INTS1: variants seen among roughly 807,000 people sequenced by gnomAD.
INTS1 encodes the protein integrator complex subunit 1.
A neutral mutation model predicts 241.6 loss-of-function variants in INTS1; 137 were observed. That is an observed-to-expected ratio of 0.57 (90% confidence interval 0.49 to 0.65). The LOEUF (loss-of-function observed/expected upper bound fraction) is 0.65. INTS1 is among the 30% of genes least tolerant of loss of function. INTS1 has a pLI of 0.00. For synonymous variants in INTS1, 1,692 were observed against 1,337.8 expected (o/e 1.26, Z -5.78); for missense variants, 3,073 against 3,032.2 (o/e 1.01, Z -0.32).
chr7:1,503,068 GCATCCCGCTTGCGCT>G lies in INTS1; in HGVS notation c.167_181del (p.Glu56_Asp60del). The G allele has an allele frequency of 6.2e-7, 1 of 1,613,102 alleles. No individual in the cohort carries two copies. Among genetic ancestry groups the G allele is most frequent in the Non-Finnish European group, 8.5e-7 (1 of 1,179,434 alleles). ...CGAGGCACTGGACAACGCGGCCGCC[GCATCCCGCTTGCGCT>G]CAGAAGGCAGGCCGGAAGGGGCTGG... is the stretch of plus-strand genomic sequence containing the variant. On this transcript the variant is annotated inframe_deletion, in exon 3 of 48. Transcript: ENST00000404767.
intron 45 of INTS1, 64 bp downstream of exon 45, chr7:1,471,507 G>T: frequency 1.3e-6 from 2 of 1,532,318 alleles, no homozygotes; most frequent in East Asian, 4.5e-5. Context: ...TGGGGTGGTG[G>T]CCCTGCTGGG....
chr7:1,489,150 T>A (rs2128540020), intron 18 of INTS1, among the ~76,000 whole-genome samples, 194 bp downstream of exon 18: 1 of 151,968 alleles, frequency 6.6e-6, no homozygotes, highest in African/African-American at 2.4e-5. Flanking sequence ...CCACACCCCC[T>A]CTCCCGGCAA....
At chr7:1,489,711 C>T (rs1782457021) in intron 16 of INTS1, 29 bp from the exon 17 acceptor site, 1 of 1,426,962 alleles carries the variant, frequency 7.0e-7, no homozygotes, top group Non-Finnish European at 9.4e-7. Flanking sequence ...CCGACTCAGG[C>T]CCAGCGCACC....
intron 30 of INTS1, 40 bp from the exon 31 acceptor site, chr7:1,479,724 G>A (rs1211590975): frequency 3.8e-6 from 5 of 1,299,390 alleles, no homozygotes; most frequent in Non-Finnish European, 5.0e-6. Context: ...AAGCGGAGGA[G>A]AAGGAGGAGG....
chr7:1,475,814 C>A, intron 39 of INTS1, 134 bp downstream of exon 39: 17 of 1,148,832 alleles, frequency 1.5e-5, no homozygotes, highest in Non-Finnish European at 2.0e-5. Flanking sequence ...CACAGGGCCA[C>A]AGGGCGGCGC....
rs762357417 is a variant in INTS1 at position 1,481,442 on chromosome 7, C to A, written c.3750G>T (p.Ser1250=). The change falls in exon 28 of 48, where the codon TCG becomes TCT. Residue 1250 remains serine (S), a synonymous_variant. Transcript: ENST00000404767. This position sits in a 1 kb window ranked among gnomAD's most constrained non-coding sequence, Gnocchi z 6.8. Reference sequence around the variant, plus strand: ...TCATGCTGGACACGGGGATGCCAAACGACTGCACGAACAGCAGCAGCTGCT... The same window carrying A: ...TCATGCTGGACACGGGGATGCCAAAAGACTGCACGAACAGCAGCAGCTGCT... The part of the protein sequence containing the change: ...EPQQLLLFVQ[S]FGIPVSSMSK... 3 of 1,612,232 alleles carry A rather than the reference C, an allele frequency of 1.9e-6. No individual in the cohort carries two copies. The highest frequency in any genetic ancestry group is 4.5e-5 in the East Asian group (2 of 44,850).
Position 1,481,221 on chromosome 7 carries a change from G to T in INTS1, c.3850+121C>A. On this transcript the variant is annotated intron_variant, in intron 28 of 47. Transcript: ENST00000404767. The surrounding 1 kb of genome is among the most constrained non-coding windows in gnomAD (Gnocchi z 6.8). ...CACAGGTCTAAGCCTGCCCTCGAGT[G>T]CCACCCACACCCACCCGACCTCGGA... 1.7e-6 allele frequency: 2 copies of T among 1,146,036 alleles called. No homozygotes were observed. Among genetic ancestry groups the T allele is most frequent in the South Asian group, 1.3e-5 (1 of 76,402 alleles). 71.0% of individuals were successfully genotyped at this position (1,146,036 alleles called of 1,614,324 possible). A position where few individuals can be genotyped will look rare whatever the true frequency, so the allele number is the denominator to read the frequency against.
chr7:1,485,777 TACAGTC>T (rs1045756197), intron 22 of INTS1, among the ~76,000 whole-genome samples: 21 of 152,220 alleles, frequency 1.4e-4, no homozygotes, highest in African/African-American at 5.1e-4. Flanking sequence ...GAACTTAAAA[TACAGTC>T]AGAGTGCACT....
Position 1,473,155 on chromosome 7 carries a change from A to AC in INTS1, c.5986dup (p.Val1996GlyfsTer74), listed in dbSNP as rs1781550789. The AC allele has an allele frequency of 6.2e-7, 1 of 1,611,938 alleles. No homozygotes were observed. On this transcript the variant is annotated frameshift_variant, in exon 43 of 48. Coordinates refer to ENST00000404767, the MANE Select transcript of INTS1 (RefSeq NM_001080453.3). LOFTEE classifies it high-confidence loss of function. ...CCCTGCAAGGAGGGATTTCAGCATC[A>AC]CCAGGTCACTGTTGTCGAAGGACAG...
chr7:1,499,703 T>C, intron 5 of INTS1, 71 bp from the exon 6 acceptor site: 1 of 1,518,984 alleles, frequency 6.6e-7, no homozygotes, highest in Non-Finnish European at 8.9e-7. Context: ...ACCCGCCTGC[T>C]GCCCGGGGAC....
Position 1,496,187 on chromosome 7 carries a change from G to A in INTS1, c.1680C>T (p.Ala560=), listed in dbSNP as rs763175494. Residue 560 remains alanine, a synonymous_variant, in exon 12 of 48, where the codon GCC becomes GCT. Coordinates refer to ENST00000404767, the MANE Select transcript of INTS1 (RefSeq NM_001080453.3). The part of the protein sequence containing the change: ...MLGITAQVKE[A]GIAWDKGEKR... ...TTTCTCCTTTGTCCCAGGCGATGCC[G>A]GCCTCCTTCACCTGCGCTGTGATGC... 6.1e-5 allele frequency: 98 copies of A among 1,613,684 alleles called. No homozygotes were observed. The highest frequency in any genetic ancestry group is 7.8e-5 in the Non-Finnish European group (92 of 1,179,802).
rs1583161565 is a variant in INTS1 at position 1,499,055 on chromosome 7, G to A, written c.1057C>T (p.Leu353Phe). Residue 353 changes from leucine to phenylalanine, a missense_variant, in exon 8 of 48, where the codon CTC becomes TTC. By Grantham distance (22) the Leu-to-Phe change is conservative. Coordinates refer to ENST00000404767, the MANE Select transcript of INTS1 (RefSeq NM_001080453.3). ...TTATAGCCGCAGGTGGAGGTGAGGAGCCGCAGGAGGTTCCTGGAGACGTTG... is the reference window on the plus strand; with the variant it reads ...TTATAGCCGCAGGTGGAGGTGAGGAACCGCAGGAGGTTCCTGGAGACGTTG... Reference protein sequence around the residue: ...IDNVSRNLLRLLTSTCGYKEV... With the variant: ...IDNVSRNLLRFLTSTCGYKEV... 1 of 1,597,332 alleles carries A rather than the reference G, an allele frequency of 6.3e-7. No individual in the cohort carries two copies. Among genetic ancestry groups the A allele is most frequent in the East Asian group, 2.3e-5 (1 of 44,196 alleles).
chr7:1,494,522 C>G (rs1478160402), intron 14 of INTS1: 1 of 503,760 alleles, frequency 2.0e-6, no homozygotes. Context: ...TGAAGGGTGG[C>G]GTGCCCGTGG....
rs199724964 is a variant in INTS1 at position 1,470,685 on chromosome 7, C to T, written c.6465G>A (p.Ala2155=). The change falls in exon 48 of 48, where the codon GCG becomes GCA. Residue 2155 remains alanine (A), a synonymous_variant. Coordinates refer to ENST00000404767, the MANE Select transcript of INTS1 (RefSeq NM_001080453.3). ...GGAAGGCCCGGTGGAGCAGCACAGCCGCGTGCTCTGTGGGGGAAACGGGGC... is the reference window on the plus strand; with the variant it reads ...GGAAGGCCCGGTGGAGCAGCACAGCTGCGTGCTCTGTGGGGGAAACGGGGC... ...PEYALLCQEH[A]AVLLHRAFLV... is the part of the protein sequence containing the mutation. 2.8e-5 allele frequency: 43 copies of T among 1,553,728 alleles called. No individual in the cohort carries two copies. The East Asian group carries it at 3.1e-4, about 11-fold the overall frequency.
In INTS1 at chr7:1,481,132, T is replaced by C. The variant is rs1781973545; in HGVS notation, c.3851-199A>G. 1.9e-5 allele frequency: 14 copies of C among 718,660 alleles called. No individual in the cohort carries two copies. Among genetic ancestry groups the C allele is most frequent in the Non-Finnish European group, 2.6e-5 (11 of 419,330 alleles). 44.5% of individuals were successfully genotyped at this position (718,660 alleles called of 1,614,324 possible). ...TCAAAACACGGCCCTAGGGGGTGCC[T>C]GGCCCCAGGGTTGGGGCAGGCCCAG... On this transcript the variant is annotated intron_variant, in intron 28 of 47. Transcript: ENST00000404767. This position sits in a 1 kb window ranked among gnomAD's most constrained non-coding sequence, Gnocchi z 6.8.
chr7:1,504,369 C>G lies in INTS1; in HGVS notation c.-88G>C, dbSNP rs1415413577. 2.0e-6 allele frequency: 1 copy of G among 490,650 alleles called. No individual in the cohort carries two copies. Among genetic ancestry groups the G allele is most frequent in the Admixed American group, 2.2e-5 (1 of 45,128 alleles). The allele number at this position is 490,650 out of a possible 1,614,324, so 30.4% of individuals were successfully genotyped here. ...GCGCCGCCGCCGCCACCCGGCCACC[C>G]CGGAATCGGAAACCGATCTCACCGC... On this transcript the variant is annotated 5_prime_UTR_variant, in exon 1 of 48. Coordinates refer to ENST00000404767, the MANE Select transcript of INTS1 (RefSeq NM_001080453.3).
Position 1,487,166 on chromosome 7 carries a change from G to A in INTS1, c.2647-65C>T, listed in dbSNP as rs557833958. 27 of 1,521,916 alleles carry A rather than the reference G, an allele frequency of 1.8e-5. No homozygotes were observed. In the African/African-American group the frequency reaches 2.3e-4, roughly 13 times the overall value. The allele number at this position is 1,521,916 out of a possible 1,614,324, so 94.3% of individuals were successfully genotyped here. The stretch of plus-strand genomic sequence containing the variant: ...GCCCAACACCTGCCGCCAGCCCCCC[G>A]GGTGACCGCGGAGCCGGAAAGGGCG... On this transcript the variant is annotated intron_variant, in intron 20 of 47. Transcript: ENST00000404767.
Position 1,473,696 on chromosome 7 carries a change from G to A in INTS1, c.5830-3C>T, listed in dbSNP as rs761141375. 3.7e-6 allele frequency: 6 copies of A among 1,612,942 alleles called. No individual in the cohort carries two copies. The highest frequency in any genetic ancestry group is 1.1e-5 in the South Asian group (1 of 91,044). ...TGGCGGGAGGACTTCCTGTAATTCT[G>A]CAAAGCAAAAGCGGCACCCTCGAGC... On this transcript the variant is annotated splice_region_variant and splice_polypyrimidine_tract_variant and intron_variant, in intron 41 of 47. Transcript: ENST00000404767.
chr7:1,477,969 T>A, intron 33 of INTS1, 33 bp from the exon 34 acceptor site: 1 of 1,600,652 alleles, frequency 6.2e-7, no homozygotes, highest in Non-Finnish European at 8.5e-7. Context: ...TGTGGGTCAC[T>A]CCCAGGTCGG....
Sources: allele counts gnomAD v4.1 joint callset (sites outside exome capture counted in the v4.1 genomes callset), GRCh38; gene constraint gnomAD v4.1.1; non-coding constraint Gnocchi (gnomAD v3.1); transcripts MANE v1.5; gene names NCBI Gene and HGNC (gene_info 2026-07-23, HGNC 2026-07-21).